Variants in TNFSF8 observed in about 807,000 individuals in gnomAD.
TNFSF8 encodes tumor necrosis factor ligand superfamily member 8.
Under a neutral mutation model 22.0 loss-of-function variants are expected in TNFSF8, and 4 were observed. The observed-to-expected ratio is 0.18, with a 90% confidence interval of 0.09 to 0.42. The LOEUF (loss-of-function observed/expected upper bound fraction) is 0.42. Ranked by LOEUF, TNFSF8 falls within the 10% of genes least tolerant of loss-of-function variation. The probability of loss-of-function intolerance (pLI) is 1.00; values close to 1 mark genes in which losing one functional copy is unlikely to be tolerated. For missense variants in TNFSF8, 233 were observed against 281.8 expected, an observed-to-expected ratio of 0.83 and a Z score of 1.24; for synonymous variants, 106 against 112.5, an observed-to-expected ratio of 0.94 and a Z score of 0.37.
At chr9:114,916,287 T>G (rs967291126) in intron 2 of TNFSF8, among the ~76,000 whole-genome samples, 3 of 152,218 alleles carry the variant, frequency 2.0e-5, no homozygotes, top group African/African-American at 7.2e-5. Flanking sequence ...CCTTATTTTT[T>G]GTACTTCACT....
At chr9:114,894,077 G>T (rs962270187) in exon 5 of TNFSF8, 1 of 1,534,778 alleles carries the variant, frequency 6.5e-7, no homozygotes, top group Non-Finnish European at 8.7e-7. Flanking sequence ...CAGCATCAAG[G>T]TTCAGGGTTG....
At chr9:114,916,469 T>G (rs1827920192) in intron 2 of TNFSF8, among the ~76,000 whole-genome samples, 1 of 152,212 alleles carries the variant, frequency 6.6e-6, no homozygotes, top group Non-Finnish European at 1.5e-5. Context: ...ACCGTGTTCA[T>G]GTTAAAAATC....
chr9:114,917,649 T>G (rs1033644488), intron 2 of TNFSF8, among the ~76,000 whole-genome samples: 2 of 152,236 alleles, frequency 1.3e-5, no homozygotes, highest in African/African-American at 4.8e-5. Flanking sequence ...ATGTGCTGGT[T>G]GCCATGCCAA....
chr9:114,911,819 G>A (rs1379742297), intron 2 of TNFSF8, among the ~76,000 whole-genome samples: 1 of 151,588 alleles, frequency 6.6e-6, no homozygotes, highest in East Asian at 1.9e-4. Context: ...TAGTAAACCT[G>A]TCTGACACTA....
At position 114,904,125 on chromosome 9, in the gene TNFSF8, G is replaced by GT. The variant is rs1456025599; in HGVS notation, c.510dup (p.Gln171ThrfsTer8). The GT allele has an allele frequency of 6.2e-7, 1 of 1,614,144 alleles. No individual in the cohort carries two copies. Among genetic ancestry groups the GT allele is most frequent in the Admixed American group, 1.7e-5 (1 of 60,012 alleles). ...GACTCACACACTGTCACCAGGGCCT[G>GT]TTTTTTGATATGCTTGTTGATGAGA... On this transcript the variant is annotated frameshift_variant, in exon 4 of 4. Coordinates refer to ENST00000223795, the MANE Select transcript of TNFSF8 (RefSeq NM_001244.4). LOFTEE classifies it high-confidence loss of function.
chr9:114,922,749 G>T (rs1443453725), intron 1 of TNFSF8, among the ~76,000 whole-genome samples: 4 of 152,172 alleles, frequency 2.6e-5, no homozygotes, highest in Non-Finnish European at 5.9e-5. Context: ...TTTACTGGGA[G>T]CACATGGTCT....
chr9:114,916,719 G>A (rs534263041), intron 2 of TNFSF8, among the ~76,000 whole-genome samples: 3 of 152,210 alleles, frequency 2.0e-5, no homozygotes, highest in East Asian at 1.9e-4. Flanking sequence ...GATAAATAAC[G>A]TTTTATGGAA....
At chr9:114,906,307 G>T (rs1406496775) in intron 2 of TNFSF8, among the ~76,000 whole-genome samples, 1 of 152,198 alleles carries the variant, frequency 6.6e-6, no homozygotes, top group Non-Finnish European at 1.5e-5. Flanking sequence ...GAAATACATT[G>T]TTTCGTGGTG....
intron 1 of TNFSF8, among the ~76,000 whole-genome samples, chr9:114,927,116 G>C (rs1263280905): frequency 1.6e-5 from 2 of 122,404 alleles, no homozygotes; most frequent in Admixed American, 1.6e-4. Context: ...ATAATATAAA[G>C]TAATATTATT....
chr9:114,893,898 G>A, exon 5 of TNFSF8: 1 of 566,096 alleles, frequency 1.8e-6, no homozygotes, highest in Non-Finnish European at 3.1e-6. Flanking sequence ...GGAAGTATTG[G>A]GCCACGATTC....
chr9:114,900,658 G>C (rs75073471), downstream of TNFSF8, among the ~76,000 whole-genome samples: 6,347 of 152,182 alleles, frequency 0.042, 464 homozygotes, highest in African/African-American at 0.15. Flanking sequence ...ATCCTCTATA[G>C]ACTCAGTACA....
In TNFSF8 at chr9:114,925,176, C is replaced by T. The variant is rs572167546; in HGVS notation, c.195+4933G>A. ...TGAGCTGAACAGGAAAACTGCTTTA[C>T]GGACAGAAATGATCTCATGGCAGCA... On this transcript the variant is annotated intron_variant, in intron 1 of 3. Coordinates refer to ENST00000223795, the MANE Select transcript of TNFSF8 (RefSeq NM_001244.4). 4.6e-5 allele frequency among the ~76,000 whole-genome samples: 7 copies of T among 152,230 alleles called. No homozygotes were observed. The East Asian group carries it at 7.7e-4, about 17-fold the overall frequency.
chr9:114,897,322 T>G (rs1333122053), downstream of TNFSF8, among the ~76,000 whole-genome samples: 1 of 152,102 alleles, frequency 6.6e-6, no homozygotes, highest in Non-Finnish European at 1.5e-5. Context: ...AACGGACTTA[T>G]GTTTAAAGTG....
At chr9:114,922,482 G>A (rs1828001546) in intron 1 of TNFSF8, among the ~76,000 whole-genome samples, 1 of 152,122 alleles carries the variant, frequency 6.6e-6, no homozygotes, top group South Asian at 2.1e-4. Context: ...CCTTTAACTT[G>A]ACCCCAAGAG....
Position 114,902,483 on chromosome 9 carries a change from C to A in TNFSF8, c.*1448G>T. Reference sequence around the variant, plus strand: ...TCAATCTAACTGGAATAGAGTCAGGCCTCGTCAGATGGTTTCCCAAACACC... The same window carrying A: ...TCAATCTAACTGGAATAGAGTCAGGACTCGTCAGATGGTTTCCCAAACACC... On this transcript the variant is annotated 3_prime_UTR_variant, in exon 4 of 4. Coordinates refer to ENST00000223795, the MANE Select transcript of TNFSF8 (RefSeq NM_001244.4). 1.0e-6 allele frequency: 1 copy of A among 985,398 alleles called. No individual in the cohort carries two copies. The highest frequency in any genetic ancestry group is 1.2e-6 in the Non-Finnish European group (1 of 829,926). 61.0% of individuals were successfully genotyped at this position (985,398 alleles called of 1,614,324 possible). A position where few individuals can be genotyped will look rare whatever the true frequency, so the allele number is the denominator to read the frequency against.
chr9:114,913,123 C>T (rs1827872339), intron 2 of TNFSF8, among the ~76,000 whole-genome samples: 1 of 152,190 alleles, frequency 6.6e-6, no homozygotes, highest in African/African-American at 2.4e-5. Flanking sequence ...TGAATGTCAG[C>T]ATTCCAAATT....
At position 114,903,611 on chromosome 9, in the gene TNFSF8, C is replaced by G. The variant is rs1210251378; in HGVS notation, c.*320G>C. On this transcript the variant is annotated 3_prime_UTR_variant, in exon 4 of 4. Transcript: ENST00000223795. Reference sequence around the variant, plus strand: ...GAGCCCCATTTTAACTGGAGGCTCTCAAAACAGAAGAAATAGATCAAGACC... The same window carrying G: ...GAGCCCCATTTTAACTGGAGGCTCTGAAAACAGAAGAAATAGATCAAGACC... 5.8e-6 allele frequency: 5 copies of G among 856,276 alleles called. No individual in the cohort carries two copies. Among genetic ancestry groups the G allele is most frequent in the Non-Finnish European group, 7.1e-6 (5 of 701,212 alleles). The allele number at this position is 856,276 out of a possible 1,614,324, so 53.0% of individuals were successfully genotyped here.
At chr9:114,895,908 T>C (rs1207509272) in intron 4 of TNFSF8, among the ~76,000 whole-genome samples, 1 of 152,236 alleles carries the variant, frequency 6.6e-6, no homozygotes, top group Non-Finnish European at 1.5e-5. Context: ...TTGTCCAGAT[T>C]ATTCCTAGTG....
chr9:114,927,275 C>T (rs1168386770), intron 1 of TNFSF8, among the ~76,000 whole-genome samples: 1 of 151,340 alleles, frequency 6.6e-6, no homozygotes, highest in Non-Finnish European at 1.5e-5. Flanking sequence ...TTTTTCAAGG[C>T]TTTAGAACAA....
Sources: allele counts gnomAD v4.1 joint callset (sites outside exome capture counted in the v4.1 genomes callset), GRCh38; gene constraint gnomAD v4.1.1; transcripts MANE v1.5; gene names NCBI Gene and HGNC (gene_info 2026-07-23, HGNC 2026-07-21).